Variants in DPY30 observed in about 807,000 individuals in gnomAD.
DPY30 encodes the protein protein dpy-30 homolog.
A neutral mutation model predicts 16.2 loss-of-function variants in DPY30; 6 were observed. The observed-to-expected ratio is 0.37, with a 90% confidence interval of 0.20 to 0.73. DPY30 has a LOEUF of 0.73. DPY30 is among the 30% of genes least tolerant of loss of function. DPY30 has a pLI of 0.51. For missense variants in DPY30, 73 were observed against 113.1 expected (o/e 0.65, Z 1.61); for synonymous variants, 39 against 38.8 (o/e 1.00, Z -0.02).
At chr2:32,035,845 A>C (rs555661247) in intron 3 of DPY30, among the ~76,000 whole-genome samples, 1 of 151,486 alleles carries the variant, frequency 6.6e-6, no homozygotes, top group Non-Finnish European at 1.5e-5. Flanking sequence ...GAGACATGAG[A>C]ATCACTTCAA....
At chr2:32,036,955 G>A (rs905282589) in intron 3 of DPY30, among the ~76,000 whole-genome samples, 1 of 152,100 alleles carries the variant, frequency 6.6e-6, no homozygotes, top group Non-Finnish European at 1.5e-5. Context: ...AAAGTAGCAA[G>A]AGAGAAGACG....
At chr2:32,014,805 AAAG>A (rs1376446388) in intron 5 of DPY30, among the ~76,000 whole-genome samples, 3 of 152,104 alleles carry the variant, frequency 2.0e-5, no homozygotes, top group South Asian at 2.1e-4. Context: ...TTAAAAAAAA[AAAG>A]AAGAATGAAA....
intron 3 of DPY30, among the ~76,000 whole-genome samples, chr2:32,037,064 T>C (rs758915183): frequency 2.6e-5 from 4 of 152,146 alleles, no homozygotes; most frequent in Admixed American, 6.6e-5. Flanking sequence ...TGGCAAAATA[T>C]CTTCTAAAAA....
intron 5 of DPY30, among the ~76,000 whole-genome samples, chr2:32,012,419 CTTTTTTTTTTTTTTTTTT>C (rs397984233): frequency 3.7e-5 from 3 of 81,654 alleles, no homozygotes; most frequent in African/African-American, 9.4e-5. Flanking sequence ...TCTCTTTTTT[CTTTTTTTTTTTTTTTTTT>C]TTTTTTTTTT....
intron 5 of DPY30, among the ~76,000 whole-genome samples, chr2:32,018,900 C>A (rs1003823974): frequency 1.3e-5 from 2 of 151,972 alleles, no homozygotes; most frequent in African/African-American, 4.8e-5. Context: ...GTGGCAAGCA[C>A]CTGTAGTCCC....
intron 4 of DPY30, among the ~76,000 whole-genome samples, 195 bp downstream of exon 4, chr2:32,029,399 T>C (rs1355171158): frequency 6.6e-6 from 1 of 152,178 alleles, no homozygotes; most frequent in East Asian, 1.9e-4. Flanking sequence ...TCTTTACAAA[T>C]ATGCATATGA....
At chr2:32,035,853 C>T (rs936961415) in intron 3 of DPY30, among the ~76,000 whole-genome samples, 3 of 148,208 alleles carry the variant, frequency 2.0e-5, no homozygotes, top group African/African-American at 7.5e-5. Flanking sequence ...AGAATCACTT[C>T]AACCCGGGAG....
At chr2:32,023,463 C>T (rs1443632842), downstream of DPY30, 2 of 472,808 alleles carry the variant, frequency 4.2e-6, no homozygotes, top group African/African-American at 2.0e-5. Context: ...CTCTCCAAGT[C>T]TGTTTCCTCA....
chr2:32,023,000 C>A (rs1425465022), downstream of DPY30, among the ~76,000 whole-genome samples: 1 of 151,996 alleles, frequency 6.6e-6, no homozygotes, highest in Non-Finnish European at 1.5e-5. Context: ...GTTTCAGCAG[C>A]ATCTATACCC....
At chr2:32,036,540 C>T (rs1040066181) in intron 3 of DPY30, among the ~76,000 whole-genome samples, 1 of 151,036 alleles carries the variant, frequency 6.6e-6, no homozygotes, top group African/African-American at 2.4e-5. Context: ...GGCATGGTGG[C>T]GGCGCCTGTA....
At position 32,013,780 on chromosome 2, in the gene DPY30, C is replaced by T. The variant is rs1355628103; in HGVS notation, n.378-1728G>A. 5.3e-5 allele frequency among the ~76,000 whole-genome samples: 8 copies of T among 152,168 alleles called. No homozygotes were observed. In the South Asian group the frequency reaches 1.7e-3, roughly 32 times the overall value. ...ATCCCAGCACTTTGGGAGGCCAAGG[C>T]GGGCGGATCACGTGGCCAAGAGTTT... On this transcript the variant is annotated intron_variant and non_coding_transcript_variant, in intron 5 of 5. Coordinates refer to the DPY30 transcript ENST00000414013.
chr2:32,014,980 C>T (rs1354103007), intron 5 of DPY30, among the ~76,000 whole-genome samples: 1 of 151,866 alleles, frequency 6.6e-6, no homozygotes, highest in African/African-American at 2.4e-5. Context: ...CTAGAAGTAA[C>T]TGGGTGGCTG....
At chr2:32,012,902 A>G (rs980615278) in intron 5 of DPY30, among the ~76,000 whole-genome samples, 1 of 152,168 alleles carries the variant, frequency 6.6e-6, no homozygotes, top group Non-Finnish European at 1.5e-5. Context: ...GATGGTTCTT[A>G]TGGTTATTTA....
At chr2:32,030,715 C>T (rs1675506111) in intron 3 of DPY30, among the ~76,000 whole-genome samples, 1 of 151,972 alleles carries the variant, frequency 6.6e-6, no homozygotes, top group South Asian at 2.1e-4. Flanking sequence ...GGGAGGATCA[C>T]TTGAGCCCAG....
At chr2:32,022,142 A>G (rs754562404), downstream of DPY30, among the ~76,000 whole-genome samples, 88 of 151,772 alleles carry the variant, frequency 5.8e-4, no homozygotes, top group Admixed American at 2.2e-3. Flanking sequence ...CCTGGGAGCC[A>G]GAGGTTGCAG....
chr2:32,028,028 C>T (rs1675397745), intron 4 of DPY30, among the ~76,000 whole-genome samples: 1 of 151,980 alleles, frequency 6.6e-6, no homozygotes. Context: ...CAAATATTTA[C>T]TGCTCATTCA....
At position 32,035,544 on chromosome 2, in the gene DPY30, C is replaced by G. The variant is rs560307395; in HGVS notation, c.84+3735G>C. On this transcript the variant is annotated intron_variant, in intron 3 of 4. Coordinates refer to ENST00000342166, the MANE Select transcript of DPY30 (RefSeq NM_001321209.2). ...AGCGGAGATTATAGTGAGCCAAGAT[C>G]GCGCCACTGCACAACAGCCTGGCAA... 7.6e-4 allele frequency among the ~76,000 whole-genome samples: 115 copies of G among 150,820 alleles called. 3 individuals are homozygous for G. Among genetic ancestry groups the G allele is most frequent in the Non-Finnish European group, 2.5e-4 (17 of 67,788 alleles).
In DPY30 at chr2:32,034,604, TGGAAG is replaced by T. The variant is rs1448789327; in HGVS notation, c.84+4670_84+4674del. Among the ~76,000 whole-genome samples the T allele has an allele frequency of 2.6e-5, 4 of 152,262 alleles. No individual in the cohort carries two copies. In the East Asian group the frequency reaches 7.7e-4, roughly 29 times the overall value. ...GGGGGTCACATTTCAACATGAGATT[TGGAAG>T]GGACAAATATCCAAACTATATTACA... is the stretch of plus-strand genomic sequence containing the variant. On this transcript the variant is annotated intron_variant, in intron 3 of 4. Coordinates refer to ENST00000342166, the MANE Select transcript of DPY30 (RefSeq NM_001321209.2).
At chr2:32,032,590 T>C (rs11897154) in intron 3 of DPY30, among the ~76,000 whole-genome samples, 14,732 of 152,270 alleles carry the variant, frequency 0.097, 763 homozygotes, top group Middle Eastern at 0.19. Context: ...CCAGGCACAG[T>C]GGCTCACATC....
Sources: allele counts gnomAD v4.1 joint callset (sites outside exome capture counted in the v4.1 genomes callset), GRCh38; gene constraint gnomAD v4.1.1; transcripts MANE v1.5; gene names NCBI Gene and HGNC (gene_info 2026-07-23, HGNC 2026-07-21).